Variants in OPCML observed in about 807,000 individuals in gnomAD.
OPCML encodes the protein opioid-binding protein/cell adhesion molecule.
Under a neutral mutation model 37.8 loss-of-function variants are expected in OPCML, and 13 were observed. The ratio of observed to expected loss-of-function variants is 0.34; its 90% CI spans 0.22 to 0.55. The LOEUF is 0.55. OPCML is among the 20% of genes least tolerant of loss of function. The probability of loss-of-function intolerance (pLI) is 0.91; values close to 1 mark genes in which losing one functional copy is unlikely to be tolerated. For synonymous variants in OPCML, 176 were observed against 168.8 expected (o/e 1.04, Z -0.33); for missense variants, 341 against 435.6 (o/e 0.78, Z 1.93).
At chr11:133,493,281 C>T (rs1947706122) in intron 1 of OPCML, among the ~76,000 whole-genome samples, 1 of 152,216 alleles carries the variant, frequency 6.6e-6, no homozygotes, top group African/African-American at 2.4e-5. Flanking sequence ...AGGGGCCACC[C>T]AGCACCCTTT....
At chr11:133,238,459 A>G (rs1426885155) in intron 1 of OPCML, among the ~76,000 whole-genome samples, 2 of 152,256 alleles carry the variant, frequency 1.3e-5, no homozygotes, top group African/African-American at 4.8e-5. Context: ...TAAATAAATT[A>G]TTCAAACTAA....
At chr11:132,459,100 G>A (rs2096092091) in intron 4 of OPCML, among the ~76,000 whole-genome samples, 1 of 152,164 alleles carries the variant, frequency 6.6e-6, no homozygotes, top group Admixed American at 6.5e-5. Flanking sequence ...CTGAGGGCCT[G>A]AACAGAACAG....
chr11:132,582,986 T>C (rs933064209), intron 3 of OPCML, among the ~76,000 whole-genome samples: 1 of 151,706 alleles, frequency 6.6e-6, no homozygotes, highest in East Asian at 1.9e-4. Context: ...GCTGAGACTA[T>C]AGATGCACAC....
intron 3 of OPCML, among the ~76,000 whole-genome samples, chr11:132,627,755 A>C (rs987393465): frequency 1.3e-5 from 2 of 152,218 alleles, no homozygotes; most frequent in African/African-American, 4.8e-5. Context: ...GTAAGTGAAA[A>C]TAACAGATTT....
intron 1 of OPCML, among the ~76,000 whole-genome samples, chr11:133,523,079 G>A (rs1383883137): frequency 2.6e-5 from 4 of 152,072 alleles, no homozygotes; most frequent in African/African-American, 9.7e-5. Flanking sequence ...AACAACCACA[G>A]ACAGAATCCA....
At chr11:132,732,004 G>A (rs184732554) in intron 2 of OPCML, among the ~76,000 whole-genome samples, 70 of 152,202 alleles carry the variant, frequency 4.6e-4, no homozygotes, top group African/African-American at 1.6e-3. Flanking sequence ...GACAGCATGA[G>A]GAATTATGCA....
intron 1 of OPCML, among the ~76,000 whole-genome samples, chr11:133,353,187 G>C (rs1268958422): frequency 1.3e-5 from 2 of 152,100 alleles, no homozygotes; most frequent in East Asian, 3.9e-4. Context: ...TGTTGTTTGA[G>C]ATACAGTCTC....
intron 2 of OPCML, among the ~76,000 whole-genome samples, chr11:132,698,690 T>C (rs1332194252): frequency 6.6e-6 from 1 of 152,166 alleles, no homozygotes; most frequent in Non-Finnish European, 1.5e-5. Flanking sequence ...TGGGATCATA[T>C]CCAAAAATCA....
intron 3 of OPCML, among the ~76,000 whole-genome samples, chr11:132,564,588 C>T (rs1259501027): frequency 1.3e-5 from 2 of 152,142 alleles, no homozygotes; most frequent in Admixed American, 6.5e-5. Context: ...CCTACTGTAC[C>T]TCCTAAGGTT....
intron 4 of OPCML, among the ~76,000 whole-genome samples, chr11:132,444,282 G>A (rs866733187): frequency 4.6e-5 from 7 of 152,190 alleles, no homozygotes; most frequent in Admixed American, 2.6e-4. Flanking sequence ...GTGGAGGAAA[G>A]CTGCCCTCTA....
At chr11:133,442,282 G>T (rs1591505260) in intron 1 of OPCML, among the ~76,000 whole-genome samples, 2 of 151,834 alleles carry the variant, frequency 1.3e-5, no homozygotes, top group African/African-American at 4.8e-5. Context: ...TTTTAAAAAG[G>T]TCAATAATAA....
At chr11:132,753,175 G>A (rs1018894496) in intron 2 of OPCML, among the ~76,000 whole-genome samples, 1 of 152,030 alleles carries the variant, frequency 6.6e-6, no homozygotes, top group Non-Finnish European at 1.5e-5. Context: ...CACTCACAGA[G>A]GCCATACTCC....
At chr11:133,319,979 C>T (rs1478738780) in intron 1 of OPCML, among the ~76,000 whole-genome samples, 4 of 152,164 alleles carry the variant, frequency 2.6e-5, no homozygotes. Context: ...CAAAGTTTTC[C>T]AGGAAATGCA....
intron 3 of OPCML, among the ~76,000 whole-genome samples, chr11:132,575,278 AGTTT>A (rs1280336619): frequency 6.6e-6 from 1 of 151,982 alleles, no homozygotes; most frequent in African/African-American, 2.4e-5. Flanking sequence ...TACTATTGCT[AGTTT>A]GTTAGTTGTT....
chr11:132,750,059 T>A (rs1945780219), intron 2 of OPCML, among the ~76,000 whole-genome samples: 1 of 151,952 alleles, frequency 6.6e-6, no homozygotes. Flanking sequence ...ATTTTTGTAT[T>A]TTTAGTAAAG....
Position 132,484,138 on chromosome 11 carries a change from G to A in OPCML, c.505+44923C>T, listed in dbSNP as rs755853218. Among the ~76,000 whole-genome samples the A allele has an allele frequency of 1.7e-3, 257 of 151,932 alleles. 1 individual carries two copies. Among genetic ancestry groups the A allele is most frequent in the Middle Eastern group, 3.4e-3 (1 of 294 alleles). The stretch of plus-strand genomic sequence containing the variant: ...CTTCAGAGTGAACAGGCAACCTACA[G>A]AATGGGAGGAAATTTTTGCAACCTA... On this transcript the variant is annotated intron_variant, in intron 4 of 7. Transcript: ENST00000524381.
intron 1 of OPCML, among the ~76,000 whole-genome samples, chr11:133,509,820 T>A (rs974926455): frequency 6.6e-6 from 1 of 152,208 alleles, no homozygotes; most frequent in Non-Finnish European, 1.5e-5. Context: ...GTACCCTTTC[T>A]ATGTAAGTCT....
At chr11:133,420,510 G>A (rs1316882507) in intron 1 of OPCML, 1 of 982,580 alleles carries the variant, frequency 1.0e-6, no homozygotes, top group Non-Finnish European at 1.2e-6. Context: ...TGGCCTCATT[G>A]GTGTTAACAA....
chr11:133,012,129 C>A (rs114304431), intron 1 of OPCML, among the ~76,000 whole-genome samples: 1 of 152,084 alleles, frequency 6.6e-6, no homozygotes, highest in African/African-American at 2.4e-5. Context: ...TTTGTTGTCA[C>A]GGCTCCGGAG....
Sources: allele counts gnomAD v4.1 joint callset (sites outside exome capture counted in the v4.1 genomes callset), GRCh38; gene constraint gnomAD v4.1.1; transcripts MANE v1.5; gene names NCBI Gene and HGNC (gene_info 2026-07-23, HGNC 2026-07-21).